PRKN: variants seen among roughly 807,000 people sequenced by gnomAD.
The protein encoded by PRKN is E3 ubiquitin-protein ligase parkin.
A neutral mutation model predicts 59.5 loss-of-function variants in PRKN; 56 were observed. The observed-to-expected ratio is 0.94, with a 90% CI of 0.76 to 1.18. The LOEUF is 1.18. Among genes scored for constraint, PRKN ranks in the 50% most tolerant of loss-of-function variants. PRKN has a pLI of 0.00. For synonymous variants in PRKN, 250 were observed against 222.1 expected, an observed-to-expected ratio of 1.13 and a Z score of -1.12; for missense variants, 657 against 596.4, an observed-to-expected ratio of 1.10 and a Z score of -1.06.
chr6:162,484,294 C>A (rs1236568985), intron 1 of PRKN, among the ~76,000 whole-genome samples: 1 of 152,034 alleles, frequency 6.6e-6, no homozygotes, highest in Non-Finnish European at 1.5e-5. Context: ...GTGAAGAATA[C>A]GGTTCATTAG....
At chr6:161,951,529 T>G (rs1038057331) in intron 6 of PRKN, among the ~76,000 whole-genome samples, 1 of 152,166 alleles carries the variant, frequency 6.6e-6, no homozygotes, top group Non-Finnish European at 1.5e-5. Context: ...AGCAAGCTTG[T>G]AATGTGGAAT....
intron 7 of PRKN, among the ~76,000 whole-genome samples, chr6:161,763,695 C>T (rs914819565): frequency 3.9e-4 from 60 of 152,204 alleles, no homozygotes; most frequent in Admixed American, 7.9e-4. Context: ...CCCCCCACAA[C>T]GTGCAAAGTG....
chr6:161,935,595 C>A (rs376445639), intron 6 of PRKN, among the ~76,000 whole-genome samples: 1 of 149,936 alleles, frequency 6.7e-6, no homozygotes, highest in African/African-American at 2.4e-5. Flanking sequence ...AAGGATAAGA[C>A]GTGAGTATGA....
chr6:162,100,061 T>A (rs561149134), intron 4 of PRKN, among the ~76,000 whole-genome samples: 1 of 152,374 alleles, frequency 6.6e-6, no homozygotes, highest in African/African-American at 2.4e-5. Flanking sequence ...TTATGTAACA[T>A]CATGTCCTTC....
At chr6:162,612,339 C>T (rs1782223225) in intron 1 of PRKN, among the ~76,000 whole-genome samples, 1 of 151,888 alleles carries the variant, frequency 6.6e-6, no homozygotes, top group Admixed American at 6.6e-5. Flanking sequence ...TCAGGGCTGT[C>T]CTAGGATGGA....
intron 4 of PRKN, among the ~76,000 whole-genome samples, chr6:162,191,035 T>G (rs1171051856): frequency 6.6e-6 from 1 of 152,172 alleles, no homozygotes; most frequent in Non-Finnish European, 1.5e-5. Context: ...AAAAACAGTT[T>G]CAAGGCTAGC....
chr6:161,910,400 A>C (rs989667714), intron 6 of PRKN, among the ~76,000 whole-genome samples: 2 of 151,946 alleles, frequency 1.3e-5, no homozygotes, highest in African/African-American at 4.8e-5. Flanking sequence ...GATTACAGGC[A>C]CCTGCTACCA....
chr6:162,186,980 A>G (rs9347598), intron 4 of PRKN, among the ~76,000 whole-genome samples: 47,099 of 152,148 alleles, frequency 0.31, 12,192 homozygotes, highest in African/African-American at 0.67. Flanking sequence ...GAGTGAGTTC[A>G]GGTCTGACCC....
rs1325549630 is a variant in PRKN at position 161,386,060 on chromosome 6, T to C, written c.1167+734A>G. Among the ~76,000 whole-genome samples, 1 of 152,240 alleles carries C rather than the reference T, an allele frequency of 6.6e-6. No individual in the cohort carries two copies. Among genetic ancestry groups the C allele is most frequent in the African/African-American group, 2.4e-5 (1 of 41,472 alleles). On this transcript the variant is annotated intron_variant, in intron 10 of 11. Transcript: ENST00000366898. The surrounding 1 kb of genome is among the most constrained non-coding windows in gnomAD (Gnocchi z 4.3). ...CAAAATATTCTGGGATTTCTATGTC[T>C]GTTTACTAGGTTCCTATCAGTACAA... is the stretch of plus-strand genomic sequence containing the variant.
chr6:162,528,082 G>GTGTGT (rs1439244153), intron 1 of PRKN, among the ~76,000 whole-genome samples: 7 of 65,926 alleles, frequency 1.1e-4, no homozygotes, highest in African/African-American at 1.8e-4. Flanking sequence ...GGGGCGGGAG[G>GTGTGT]GGTGCGGGGC....
intron 1 of PRKN, among the ~76,000 whole-genome samples, chr6:162,619,916 A>G (rs1481065155): frequency 6.6e-6 from 1 of 152,210 alleles, no homozygotes; most frequent in African/African-American, 2.4e-5. Flanking sequence ...TTATTAGTTA[A>G]TGAGGGTATC....
rs1280296661 is a variant in PRKN, at chr6:161,646,051, A to C, written c.872-76635T>G. On this transcript the variant is annotated intron_variant, in intron 7 of 11. Transcript: ENST00000366898. ...ACTGCGTGTGCATGCGTGGTGGAGG[A>C]GGCGGCGTATCAGTGACAGTGGTGA... 7.1e-5 allele frequency among the ~76,000 whole-genome samples: 7 copies of C among 99,232 alleles called. 1 individual carries two copies. The highest frequency in any genetic ancestry group is 2.6e-4 in the African/African-American group (7 of 27,342). 65.1% of individuals were successfully genotyped at this position (99,232 alleles called of 152,430 possible). A position where few individuals can be genotyped will look rare whatever the true frequency, so the allele number is the denominator to read the frequency against.
intron 5 of PRKN, among the ~76,000 whole-genome samples, chr6:162,031,646 C>T (rs971823764): frequency 6.6e-5 from 10 of 151,060 alleles, no homozygotes. Flanking sequence ...AGCGATTCTT[C>T]TTGCCTCCTG....
chr6:161,628,641 C>T (rs1288303276), intron 7 of PRKN, among the ~76,000 whole-genome samples: 4 of 152,220 alleles, frequency 2.6e-5, no homozygotes, highest in African/African-American at 9.7e-5. Flanking sequence ...AAGAAGGCCA[C>T]AAGCCAGCCT....
rs1376578540 is a variant in PRKN at position 162,680,787 on chromosome 6, T to G, written c.7+46875A>C. 2.6e-5 allele frequency among the ~76,000 whole-genome samples: 4 copies of G among 152,328 alleles called. No individual in the cohort carries two copies. The East Asian group carries it at 7.7e-4, about 29-fold the overall frequency. ...TTCAGGTTTACATCTGTAGGCTTTC[T>G]TTAAAGCAATCTTCAGTGAATCATT... On this transcript the variant is annotated intron_variant, in intron 1 of 11. Transcript: ENST00000366898.
intron 4 of PRKN, among the ~76,000 whole-genome samples, chr6:162,072,785 A>G (rs1310365492): frequency 6.6e-6 from 1 of 152,194 alleles, no homozygotes; most frequent in Admixed American, 6.5e-5. Flanking sequence ...CAATTTTATG[A>G]TATGTAATGT....
At chr6:161,620,964 G>A (rs1045927410) in intron 7 of PRKN, among the ~76,000 whole-genome samples, 5 of 152,088 alleles carry the variant, frequency 3.3e-5, no homozygotes, top group Non-Finnish European at 5.9e-5. Flanking sequence ...GTATAATTCC[G>A]ATGACTATCC....
Position 161,548,083 on chromosome 6 carries a change from T to C in PRKN, c.1083+771A>G, listed in dbSNP as rs554662281. Among the ~76,000 whole-genome samples the C allele has an allele frequency of 6.6e-6, 1 of 152,360 alleles. No individual in the cohort carries two copies. Among genetic ancestry groups the C allele is most frequent in the Non-Finnish European group, 1.5e-5 (1 of 68,030 alleles). ...TGAAGTTGCAATTTTAAAAGAAATG[T>C]TTCTCATCAAAATTCAATAGACTTT... is the stretch of plus-strand genomic sequence containing the variant. On this transcript the variant is annotated intron_variant, in intron 9 of 11. Coordinates refer to ENST00000366898, the MANE Select transcript of PRKN (RefSeq NM_004562.3). The surrounding 1 kb of genome is among the most constrained non-coding windows in gnomAD (Gnocchi z 4.2).
intron 1 of PRKN, among the ~76,000 whole-genome samples, chr6:162,684,606 C>T (rs973399442): frequency 6.6e-6 from 1 of 152,034 alleles, no homozygotes. Context: ...TGCTGATTCT[C>T]GAAACTTCTG....
Sources: allele counts gnomAD v4.1 joint callset (sites outside exome capture counted in the v4.1 genomes callset), GRCh38; gene constraint gnomAD v4.1.1; non-coding constraint Gnocchi (gnomAD v3.1); transcripts MANE v1.5; gene names NCBI Gene and HGNC (gene_info 2026-07-23, HGNC 2026-07-21).